Variants in RUFY2 observed in about 807,000 individuals in gnomAD.
RUFY2 encodes the protein RUN and FYVE domain containing 2, also known as RUN and FYVE domain-containing protein 2.
A neutral mutation model predicts 94.4 loss-of-function variants in RUFY2; 49 were observed. That is an observed-to-expected ratio of 0.52 (90% CI 0.41 to 0.66). The LOEUF is 0.66. Among genes scored for constraint, RUFY2 ranks in the 30% least tolerant of loss-of-function variants. The probability of loss-of-function intolerance (pLI) is 0.00; values close to 1 mark genes in which losing one functional copy is unlikely to be tolerated. For synonymous variants in RUFY2, 255 were observed against 235.7 expected (o/e 1.08, Z -0.75); for missense variants, 541 against 692.8 (o/e 0.78, Z 2.46).
intron 13 of RUFY2, among the ~76,000 whole-genome samples, chr10:68,373,349 CA>C (rs1564811339): frequency 6.6e-6 from 1 of 152,060 alleles, no homozygotes; most frequent in East Asian, 1.9e-4. Flanking sequence ...AGAGGAACAA[CA>C]AACAGGAAAA....
At chr10:68,343,276 CTA>C (rs1324819832), downstream of RUFY2, 2 of 152,152 alleles carry the variant, frequency 1.3e-5, no homozygotes, top group African/African-American at 4.8e-5. Context: ...CATACGATGT[CTA>C]TGATTTAGGA....
rs75063499 is a variant in RUFY2, at chr10:68,344,638, C to T, written c.*1130G>A. ...TTGCTTGAACCCAGGAGGTGGAGAT[C>T]GTGCCATTGCACTCCAGCCTAGGCA... On this transcript the variant is annotated 3_prime_UTR_variant, in exon 18 of 18. Coordinates refer to ENST00000602465, the MANE Select transcript of RUFY2 (RefSeq NM_001330103.2). 497 of 152,538 alleles carry T rather than the reference C, an allele frequency of 3.3e-3. 11 individuals carry two copies. In the East Asian group the frequency reaches 0.04, roughly 12 times the overall value. 9.4% of individuals were successfully genotyped at this position (152,538 alleles called of 1,614,324 possible).
intron 12 of RUFY2, chr10:68,378,170 A>T (rs1447932362): frequency 2.0e-6 from 2 of 988,634 alleles, no homozygotes; most frequent in African/African-American, 1.7e-5. Context: ...AAAAATCTGT[A>T]AGGGAGCCAT....
At chr10:68,357,142 T>C (rs2047113494) in intron 15 of RUFY2, among the ~76,000 whole-genome samples, 1 of 151,170 alleles carries the variant, frequency 6.6e-6, no homozygotes, top group Admixed American at 6.6e-5. Context: ...CACTCCTGGG[T>C]GACAGAGCAA....
chr10:68,394,464 A>G lies in RUFY2; in HGVS notation c.399-13T>C. The G allele has an allele frequency of 1.9e-6, 3 of 1,588,298 alleles. No homozygotes were observed. In the South Asian group the frequency reaches 3.3e-5, roughly 18 times the overall value. On this transcript the variant is annotated splice_polypyrimidine_tract_variant and intron_variant, in intron 4 of 17. Transcript: ENST00000602465. ...CTCATAAAACTCACTGTGAAAATTTAAAAAATAAGGACTTTAAATCACAAA... is the reference window on the plus strand; with the variant it reads ...CTCATAAAACTCACTGTGAAAATTTGAAAAATAAGGACTTTAAATCACAAA...
At chr10:68,387,248 T>C (rs1303879987) in intron 7 of RUFY2, among the ~76,000 whole-genome samples, 1 of 151,894 alleles carries the variant, frequency 6.6e-6, no homozygotes, top group African/African-American at 2.4e-5. Flanking sequence ...TCCCAGCTAC[T>C]TGGGTGGCTG....
rs762839217 is a variant in RUFY2, at chr10:68,401,748, GA to G, written c.179-12del. 4.7e-6 allele frequency: 7 copies of G among 1,477,172 alleles called. No individual in the cohort carries two copies. Among genetic ancestry groups the G allele is most frequent in the Non-Finnish European group, 6.6e-6 (7 of 1,055,310 alleles). The allele number at this position is 1,477,172 out of a possible 1,614,324, so 91.5% of individuals were successfully genotyped here. On this transcript the variant is annotated splice_polypyrimidine_tract_variant and intron_variant, in intron 2 of 17. Coordinates refer to ENST00000602465, the MANE Select transcript of RUFY2 (RefSeq NM_001330103.2). Reference sequence around the variant, plus strand: ...AAAATGATTTTCTTACTGAAAAAAAGAACACATAATGCACACAATGTCAACA... The same window carrying G: ...AAAATGATTTTCTTACTGAAAAAAAGACACATAATGCACACAATGTCAACA...
intron 11 of RUFY2, among the ~76,000 whole-genome samples, chr10:68,379,966 C>A (rs1332924360): frequency 2.6e-5 from 4 of 151,896 alleles, no homozygotes; most frequent in African/African-American, 9.7e-5. Context: ...CGCCACTGCG[C>A]CCAGCTAATT....
intron 16 of RUFY2, among the ~76,000 whole-genome samples, chr10:68,355,035 T>C (rs958854018): frequency 1.3e-5 from 2 of 152,034 alleles, no homozygotes; most frequent in South Asian, 2.1e-4. Flanking sequence ...TTAGTAGAGA[T>C]GGGATTTCAC....
At chr10:68,370,881 C>T (rs1457059843) in intron 13 of RUFY2, among the ~76,000 whole-genome samples, 1 of 151,988 alleles carries the variant, frequency 6.6e-6, no homozygotes, top group African/African-American at 2.4e-5. Context: ...GCCTGTAATC[C>T]CAGCACTTCG....
intron 13 of RUFY2, among the ~76,000 whole-genome samples, chr10:68,370,340 T>C (rs2048172240): frequency 6.6e-6 from 1 of 150,866 alleles, no homozygotes; most frequent in Non-Finnish European, 1.5e-5. Flanking sequence ...GGGAAAAAAA[T>C]AAAGACAAAA....
chr10:68,363,232 G>A (rs745872854), intron 15 of RUFY2, among the ~76,000 whole-genome samples: 4 of 152,054 alleles, frequency 2.6e-5, no homozygotes, highest in Middle Eastern at 3.4e-3. Context: ...TTGCTTTGTC[G>A]CCAGGCTGGA....
rs561954058 is a variant in RUFY2, at chr10:68,384,011, C to T, written c.822+40G>A. The T allele has an allele frequency of 3.8e-5, 61 of 1,590,644 alleles. No homozygotes were observed. The South Asian group carries it at 6.1e-4, about 16-fold the overall frequency. On this transcript the variant is annotated intron_variant, in intron 9 of 17. Coordinates refer to ENST00000602465, the MANE Select transcript of RUFY2 (RefSeq NM_001330103.2). ...CAAAAATCCCCAAAAATGGTAATTTCTGACACGAGATTGTCTGCTTGAAAG... is the reference window on the plus strand; with the variant it reads ...CAAAAATCCCCAAAAATGGTAATTTTTGACACGAGATTGTCTGCTTGAAAG...
chr10:68,386,840 T>G (rs2049539424), intron 7 of RUFY2, among the ~76,000 whole-genome samples: 1 of 152,152 alleles, frequency 6.6e-6, no homozygotes, highest in Admixed American at 6.6e-5. Flanking sequence ...AAGCTCCATT[T>G]TGATTCCCCT....
intron 16 of RUFY2, among the ~76,000 whole-genome samples, chr10:68,354,138 T>A (rs1368641318): frequency 6.6e-6 from 1 of 152,090 alleles, no homozygotes; most frequent in Admixed American, 6.6e-5. Flanking sequence ...TCATTATTAT[T>A]AATAATATTA....
intron 4 of RUFY2, among the ~76,000 whole-genome samples, chr10:68,396,375 A>AG (rs1238782605): frequency 2.6e-5 from 4 of 152,116 alleles, no homozygotes; most frequent in Non-Finnish European, 5.9e-5. Context: ...AAAAAAAAAA[A>AG]CAAAAAACAA....
intron 7 of RUFY2, among the ~76,000 whole-genome samples, chr10:68,388,034 C>G (rs2132941834): frequency 6.6e-6 from 1 of 152,100 alleles, no homozygotes; most frequent in East Asian, 1.9e-4. Context: ...AAGAAAGTTG[C>G]AAAACCTTCC....
At position 68,366,777 on chromosome 10, in the gene RUFY2, A is replaced by ATATAT. The variant is rs1365269458; in HGVS notation, c.1326-2665_1326-2664insATATA. On this transcript the variant is annotated intron_variant, in intron 13 of 17. Coordinates refer to ENST00000602465, the MANE Select transcript of RUFY2 (RefSeq NM_001330103.2). ...ATATATATAATATTAAATATATTAA[A>ATATAT]TAAATAATTAATAATATATAATATA... Among the ~76,000 whole-genome samples, 5 of 116,130 alleles carry ATATAT rather than the reference A, an allele frequency of 4.3e-5. No homozygotes were observed. The East Asian group carries it at 7.0e-4, about 16-fold the overall frequency. 76.2% of individuals were successfully genotyped at this position (116,130 alleles called of 152,430 possible). A position where few individuals can be genotyped will look rare whatever the true frequency, so the allele number is the denominator to read the frequency against.
downstream of RUFY2, chr10:68,342,162 A>G (rs1440547825): frequency 1.4e-6 from 1 of 698,864 alleles, no homozygotes; most frequent in Non-Finnish European, 2.3e-6. Context: ...GACTGAAGGA[A>G]TGTGTTTTCA....
Sources: allele counts gnomAD v4.1 joint callset (sites outside exome capture counted in the v4.1 genomes callset), GRCh38; gene constraint gnomAD v4.1.1; transcripts MANE v1.5; gene names NCBI Gene and HGNC (gene_info 2026-07-23, HGNC 2026-07-21).